Variants in EIF3H observed in about 807,000 individuals in gnomAD.
EIF3H encodes eukaryotic translation initiation factor 3 subunit H.
Under a neutral mutation model 44.2 loss-of-function variants are expected in EIF3H, and 26 were observed. The ratio of observed to expected loss-of-function variants is 0.59; its 90% confidence interval spans 0.43 to 0.82. The LOEUF (loss-of-function observed/expected upper bound fraction) is 0.82. Among genes scored for constraint, EIF3H ranks in the 40% least tolerant of loss-of-function variants. The pLI, the probability that EIF3H is intolerant of heterozygous loss-of-function variation, is 0.00. For synonymous variants in EIF3H, 166 were observed against 151.9 expected, an observed-to-expected ratio of 1.09 and a Z score of -0.68; for missense variants, 359 against 432.8, an observed-to-expected ratio of 0.83 and a Z score of 1.51.
At chr8:116,728,607 G>A (rs1814895948) in intron 1 of EIF3H, among the ~76,000 whole-genome samples, 1 of 152,070 alleles carries the variant, frequency 6.6e-6, no homozygotes, top group South Asian at 2.1e-4. Context: ...AGGGAAAAGA[G>A]CTCAAAATGG....
At chr8:116,688,357 T>C (rs1479860444) in intron 2 of EIF3H, among the ~76,000 whole-genome samples, 1 of 151,716 alleles carries the variant, frequency 6.6e-6, no homozygotes, top group Non-Finnish European at 1.5e-5. Flanking sequence ...AAATTTTACA[T>C]AAAAAATGGG....
intron 1 of EIF3H, among the ~76,000 whole-genome samples, chr8:116,751,948 T>G (rs1188770358): frequency 6.6e-6 from 1 of 152,146 alleles, no homozygotes; most frequent in Non-Finnish European, 1.5e-5. Context: ...CCAGAGCATG[T>G]ACTTTTATCA....
chr8:116,691,828 C>T (rs1454366804), intron 2 of EIF3H, among the ~76,000 whole-genome samples: 15 of 148,620 alleles, frequency 1.0e-4, no homozygotes, highest in African/African-American at 3.5e-4. Context: ...GCAGAGATCA[C>T]GCCACTGCAC....
chr8:116,668,607 G>A (rs991061137), intron 2 of EIF3H, among the ~76,000 whole-genome samples: 1 of 152,096 alleles, frequency 6.6e-6, no homozygotes, highest in Non-Finnish European at 1.5e-5. Flanking sequence ...CTCTGAATCT[G>A]AAGCACCTAA....
chr8:116,719,552 A>G (rs976758222), intron 2 of EIF3H, among the ~76,000 whole-genome samples: 7 of 152,226 alleles, frequency 4.6e-5, no homozygotes, highest in Non-Finnish European at 7.3e-5. Context: ...AATAAAAAAG[A>G]GGGAATGTTA....
At chr8:116,672,841 C>T (rs1813779979) in intron 2 of EIF3H, among the ~76,000 whole-genome samples, 1 of 151,968 alleles carries the variant, frequency 6.6e-6, no homozygotes, top group South Asian at 2.1e-4. Context: ...TCAGATCTTC[C>T]TCCCAACACT....
At chr8:116,683,300 G>A (rs1288239434) in intron 2 of EIF3H, among the ~76,000 whole-genome samples, 2 of 152,142 alleles carry the variant, frequency 1.3e-5, no homozygotes, top group African/African-American at 2.4e-5. Context: ...ATTTCTAGAG[G>A]CTGGGAAGTC....
At chr8:116,687,710 A>G (rs1814100076) in intron 2 of EIF3H, among the ~76,000 whole-genome samples, 2 of 152,140 alleles carry the variant, frequency 1.3e-5, no homozygotes, top group Non-Finnish European at 2.9e-5. Context: ...TAAACCATCT[A>G]AATTTAAAGA....
chr8:116,682,762 T>C (rs1377952449), intron 2 of EIF3H, among the ~76,000 whole-genome samples: 1 of 152,216 alleles, frequency 6.6e-6, no homozygotes, highest in Non-Finnish European at 1.5e-5. Context: ...AAAGTCTTAC[T>C]TTCCAATTGC....
intron 6 of EIF3H, among the ~76,000 whole-genome samples, chr8:116,647,578 T>C (rs1303937273): frequency 6.6e-6 from 1 of 152,166 alleles, no homozygotes; most frequent in Non-Finnish European, 1.5e-5. Flanking sequence ...TCAACTACAA[T>C]AAGAGCTAAC....
At position 116,642,823 on chromosome 8, in the gene EIF3H, C is replaced by T. The variant is rs1813241348; in HGVS notation, c.*2183G>A. ...CTACATACTGTGGCGAGTTAATTTC[C>T]ACTGACATGTTTTCCTAAACAGTTT... is the stretch of plus-strand genomic sequence containing the variant. On this transcript the variant is annotated 3_prime_UTR_variant, in exon 8 of 8. Coordinates refer to ENST00000521861, the MANE Select transcript of EIF3H (RefSeq NM_003756.3). 1 of 152,144 alleles carries T rather than the reference C, an allele frequency of 6.6e-6. No individual in the cohort carries two copies. The highest frequency in any genetic ancestry group is 2.4e-5 in the African/African-American group (1 of 41,438). The allele number at this position is 152,144 out of a possible 1,614,324, so 9.4% of individuals were successfully genotyped here. A position where few individuals can be genotyped will look rare whatever the true frequency, so the allele number is the denominator to read the frequency against.
intron 1 of EIF3H, among the ~76,000 whole-genome samples, chr8:116,733,307 A>G (rs965186697): frequency 3.9e-5 from 6 of 152,152 alleles, no homozygotes; most frequent in African/African-American, 1.4e-4. Context: ...ATCTTGCACA[A>G]GAGTTTTTAC....
rs1237075896 is a variant in EIF3H, at chr8:116,699,574, G to C, written c.289+26442C>G. On this transcript the variant is annotated intron_variant, in intron 2 of 7. Transcript: ENST00000521861. ...AGTGGGTAGGGAGGGAGGGGTACAA[G>C]AGTTGAAAAACCATTGGGTACTATG... Among the ~76,000 whole-genome samples the C allele has an allele frequency of 4.6e-5, 7 of 152,276 alleles. No individual in the cohort carries two copies. In the East Asian group the frequency reaches 1.3e-3, roughly 29 times the overall value.
At chr8:116,682,752 A>C (rs1449000628) in intron 2 of EIF3H, among the ~76,000 whole-genome samples, 1 of 152,208 alleles carries the variant, frequency 6.6e-6, no homozygotes. Flanking sequence ...TTGAGGGGTA[A>C]AAGTCTTACT....
intron 2 of EIF3H, among the ~76,000 whole-genome samples, chr8:116,672,344 G>A (rs1478879498): frequency 6.6e-6 from 1 of 152,184 alleles, no homozygotes; most frequent in Non-Finnish European, 1.5e-5. Context: ...ACTCAAAACA[G>A]GCCAGGTACA....
chr8:116,681,651 A>G (rs1054771599), intron 2 of EIF3H, among the ~76,000 whole-genome samples: 2 of 143,898 alleles, frequency 1.4e-5, no homozygotes, highest in African/African-American at 5.4e-5. Context: ...GGGCAACAAG[A>G]GCGAAACTCC....
chr8:116,765,107 T>C (rs1815556923), intron 1 of EIF3H, among the ~76,000 whole-genome samples: 1 of 152,158 alleles, frequency 6.6e-6, no homozygotes, highest in East Asian at 1.9e-4. Context: ...TGGTATCTCG[T>C]TTCTCTGTCT....
intron 1 of EIF3H, among the ~76,000 whole-genome samples, chr8:116,727,260 C>T (rs568615188): frequency 6.6e-6 from 1 of 152,178 alleles, no homozygotes; most frequent in East Asian, 1.9e-4. Context: ...AACCTGCTCC[C>T]GCCAAAGTGG....
chr8:116,741,218 C>CA (rs1219381424), intron 1 of EIF3H, among the ~76,000 whole-genome samples: 1 of 152,114 alleles, frequency 6.6e-6, no homozygotes, highest in Non-Finnish European at 1.5e-5. Context: ...ATGGCACAGA[C>CA]ACTTGTCTCC....
Sources: allele counts gnomAD v4.1 joint callset (sites outside exome capture counted in the v4.1 genomes callset), GRCh38; gene constraint gnomAD v4.1.1; transcripts MANE v1.5; gene names NCBI Gene and HGNC (gene_info 2026-07-23, HGNC 2026-07-21).